The following IL1R2 variants were observed in gnomAD, a reference collection of about 807,000 sequenced individuals.
The protein encoded by IL1R2 is interleukin 1 receptor type 2.
In IL1R2, 46 loss-of-function variants were observed where a neutral mutation model predicts 39.5. The ratio of observed to expected loss-of-function variants is 1.16; its 90% CI spans 0.92 to 1.49. The LOEUF (loss-of-function observed/expected upper bound fraction) is 1.49. Among genes scored for constraint, IL1R2 ranks in the 40% most tolerant of loss-of-function variants. The pLI, the probability that IL1R2 is intolerant of heterozygous loss-of-function variation, is 0.00. For missense variants in IL1R2, 537 were observed against 502.0 expected, an observed-to-expected ratio of 1.07 and a Z score of -0.67; for synonymous variants, 207 against 189.6, an observed-to-expected ratio of 1.09 and a Z score of -0.75.
chr2:101,993,613 T>A (rs1465871107), intron 1 of IL1R2, among the ~76,000 whole-genome samples: 1 of 152,170 alleles, frequency 6.6e-6, no homozygotes, highest in East Asian at 1.9e-4. Flanking sequence ...TTTCTCTCTT[T>A]CTGTCTCTAC....
intron 6 of IL1R2, among the ~76,000 whole-genome samples, chr2:102,023,971 C>T (rs891408051): frequency 1.3e-5 from 2 of 150,782 alleles, no homozygotes; most frequent in Non-Finnish European, 2.9e-5. Context: ...ATGGCGTGAA[C>T]CGGGGAGGCG....
intron 4 of IL1R2, among the ~76,000 whole-genome samples, chr2:102,018,712 A>G (rs2236924): frequency 0.16 from 24,334 of 152,096 alleles, 2,284 homozygotes; most frequent in East Asian, 0.28. Flanking sequence ...TGTTCCCAAG[A>G]TCACACAGCC....
At chr2:102,011,325 A>G (rs559627017) in intron 3 of IL1R2, among the ~76,000 whole-genome samples, 31 of 152,356 alleles carry the variant, frequency 2.0e-4, no homozygotes, top group African/African-American at 7.2e-4. Flanking sequence ...TGTTTTCCAT[A>G]GTGGCTGTAC....
chr2:102,023,699 A>G (rs1297159232), intron 6 of IL1R2: 1 of 152,132 alleles, frequency 6.6e-6, no homozygotes, highest in African/African-American at 2.4e-5. Flanking sequence ...TGATTGAGGC[A>G]GGGGGACCCA....
At chr2:102,004,746 C>T (rs1676159817) in intron 1 of IL1R2, among the ~76,000 whole-genome samples, 1 of 152,212 alleles carries the variant, frequency 6.6e-6, no homozygotes, top group Non-Finnish European at 1.5e-5. Flanking sequence ...AATTTTGGTT[C>T]CAACCTTTTT....
At chr2:101,992,239 G>A (rs1326459440) in intron 1 of IL1R2, among the ~76,000 whole-genome samples, 1 of 150,412 alleles carries the variant, frequency 6.6e-6, no homozygotes, top group Non-Finnish European at 1.5e-5. Context: ...ACAGAAAGAG[G>A]CAGAGAGACA....
chr2:101,996,356 C>G (rs953986845), intron 1 of IL1R2, among the ~76,000 whole-genome samples: 1 of 151,906 alleles, frequency 6.6e-6, no homozygotes, highest in Non-Finnish European at 1.5e-5. Context: ...TCCTCTGGGG[C>G]TTTTTGGGTC....
intron 3 of IL1R2, among the ~76,000 whole-genome samples, chr2:102,013,707 T>G (rs980391722): frequency 6.6e-6 from 1 of 151,818 alleles, no homozygotes; most frequent in Non-Finnish European, 1.5e-5. Context: ...AACAGGTCCA[T>G]TGTGGGTTTG....
intron 1 of IL1R2, among the ~76,000 whole-genome samples, chr2:102,000,391 G>A: frequency 6.6e-6 from 1 of 152,154 alleles, no homozygotes; most frequent in East Asian, 1.9e-4. Flanking sequence ...TCTCTGTCCA[G>A]GTACACTGTG....
At chr2:101,992,295 A>ACAGAGAGAGC (rs1553612250) in intron 1 of IL1R2, among the ~76,000 whole-genome samples, 3 of 150,834 alleles carry the variant, frequency 2.0e-5, no homozygotes, top group African/African-American at 7.4e-5. Context: ...AGAGACAGAG[A>ACAGAGAGAGC]CAGAGAGAGA....
Position 102,022,211 on chromosome 2 carries a change from T to C in IL1R2, c.713T>C (p.Val238Ala). The change falls in exon 6 of 9, where the codon GTG (valine) becomes GCG (alanine). Residue 238 changes from valine to alanine, a missense_variant. Transcript: ENST00000332549. The part of the protein sequence containing the change: ...IKKKKEETIP[V>A]IISPLKTISA... Reference sequence around the variant, plus strand: ...GAAAAAAAAGAAGAGACCATTCCTGTGATCATTTCCCCCCTCAAGACCATA... The same window carrying C: ...GAAAAAAAAGAAGAGACCATTCCTGCGATCATTTCCCCCCTCAAGACCATA... The C allele has an allele frequency of 6.2e-7, 1 of 1,613,854 alleles. No individual in the cohort carries two copies. The highest frequency in any genetic ancestry group is 8.5e-7 in the Non-Finnish European group (1 of 1,179,678).
chr2:102,005,955 C>A (rs1476147633), intron 1 of IL1R2, among the ~76,000 whole-genome samples: 3 of 151,918 alleles, frequency 2.0e-5, no homozygotes, highest in African/African-American at 4.8e-5. Context: ...GCCTTTTAAC[C>A]CCTTTAAACT....
intron 7 of IL1R2, chr2:102,024,972 C>T (rs2150462953): frequency 2.9e-6 from 1 of 343,768 alleles, no homozygotes; most frequent in Non-Finnish European, 5.4e-6. Flanking sequence ...GAGTTCATAT[C>T]TTTCCATTTT....
At chr2:102,011,399 A>C (rs955467760) in intron 3 of IL1R2, among the ~76,000 whole-genome samples, 13 of 152,172 alleles carry the variant, frequency 8.5e-5, no homozygotes, top group African/African-American at 2.4e-4. Flanking sequence ...AACACATGTT[A>C]TTTTCTATTA....
rs369088604 is a variant in IL1R2, at chr2:102,024,574, G to C, written c.793G>C (p.Gly265Arg). 16 of 1,613,998 alleles carry C rather than the reference G, an allele frequency of 9.9e-6. No homozygotes were observed. In the South Asian group the frequency reaches 1.5e-4, roughly 16 times the overall value. ...TIPCKVFLGT[G>R]TPLTTMLWWT... is the part of the protein sequence containing the mutation. Reference sequence around the variant, plus strand: ...CCCGTGTAAGGTGTTTCTGGGAACCGGCACACCCTTAACCACCATGCTGTG... The same window carrying C: ...CCCGTGTAAGGTGTTTCTGGGAACCCGCACACCCTTAACCACCATGCTGTG... Residue 265 changes from glycine to arginine, a missense_variant, in exon 7 of 9, where the codon GGC becomes CGC. Coordinates refer to ENST00000332549, the MANE Select transcript of IL1R2 (RefSeq NM_004633.4).
intron 1 of IL1R2, among the ~76,000 whole-genome samples, chr2:101,992,576 CAG>C (rs984110870): frequency 1.9e-5 from 2 of 106,660 alleles, no homozygotes; most frequent in African/African-American, 7.3e-5. Context: ...TGGAGAGAGA[CAG>C]AGAGGCAGAG....
chr2:102,007,246 G>A (rs1676326422), intron 1 of IL1R2, among the ~76,000 whole-genome samples: 1 of 152,186 alleles, frequency 6.6e-6, no homozygotes, highest in South Asian at 2.1e-4. Context: ...GGGGGCATGG[G>A]GGAGGACTGC....
At chr2:101,999,524 AGAAACT>A (rs1252627117) in intron 1 of IL1R2, among the ~76,000 whole-genome samples, 1 of 152,218 alleles carries the variant, frequency 6.6e-6, no homozygotes, top group Non-Finnish European at 1.5e-5. Context: ...TCGATGCTTT[AGAAACT>A]GAAGCTGTAT....
chr2:102,013,078 T>C (rs1327407249), intron 3 of IL1R2, among the ~76,000 whole-genome samples: 1 of 152,178 alleles, frequency 6.6e-6, no homozygotes, highest in Non-Finnish European at 1.5e-5. Flanking sequence ...GCAATCCTCA[T>C]GACTACTGAA....
Sources: gnomAD v4.1 joint callset for allele counts (sites outside exome capture counted in the v4.1 genomes callset) on GRCh38, gnomAD v4.1.1 for gene constraint, MANE v1.5 for transcripts, NCBI Gene and HGNC (gene_info 2026-07-23, HGNC 2026-07-21) for gene names.